Variants in DMD observed in about 807,000 individuals in gnomAD.
DMD encodes mutant dystrophin.
DMD carries 63 observed loss-of-function variants against 330.1 expected under a neutral mutation model. That is an observed-to-expected ratio of 0.19 (90% CI 0.16 to 0.24). The LOEUF (loss-of-function observed/expected upper bound fraction) is 0.24, where lower values mean the gene tolerates loss of function less well. Among genes scored for constraint, DMD ranks in the 10% least tolerant of loss-of-function variants. The probability of loss-of-function intolerance (pLI) is 1.00; values close to 1 mark genes in which losing one functional copy is unlikely to be tolerated. For missense variants in DMD, 3,344 were observed against 2,684.1 expected (o/e 1.25, Z -5.43); for synonymous variants, 1,223 against 959.8 (o/e 1.27, Z -5.07).
intron 52 of DMD, among the ~76,000 whole-genome samples, chrX:31,711,071 T>C (rs2084593127): frequency 9.4e-6 from 1 of 106,589 alleles, no homozygotes; most frequent in South Asian, 4.1e-4. Flanking sequence ...AAAATACTGT[T>C]TGATTGGCTC....
At chrX:32,256,667 T>A (rs929492188) in intron 43 of DMD, among the ~76,000 whole-genome samples, 1 of 111,611 alleles carries the variant, frequency 9.0e-6, no homozygotes, top group East Asian at 2.8e-4. Context: ...TTCCTTTCCA[T>A]GTTTAGTGAT....
At chrX:31,330,835 A>G (rs1368965081) in intron 61 of DMD, among the ~76,000 whole-genome samples, 1 of 111,603 alleles carries the variant, frequency 9.0e-6, no homozygotes, top group Non-Finnish European at 1.9e-5. Context: ...TTTTGATGTG[A>G]CGCATATAGT....
chrX:32,922,009 A>C lies in DMD; in HGVS notation c.94-72189T>G, dbSNP rs147888453. On this transcript the variant is annotated intron_variant, in intron 2 of 78. Coordinates refer to ENST00000357033, the MANE Select transcript of DMD (RefSeq NM_004006.3). ...AGTTTCTACTATCCCTAAATTTACA[A>C]TGAAGGAGAAAAGCTACCTCATGAT... 2.5e-3 allele frequency among the ~76,000 whole-genome samples: 280 copies of C among 111,078 alleles called. 2 individuals carry two copies. The East Asian group carries it at 0.05, about 20-fold the overall frequency.
intron 15 of DMD, among the ~76,000 whole-genome samples, chrX:32,569,781 A>C (rs1351226226): frequency 9.0e-6 from 1 of 110,651 alleles, no homozygotes; most frequent in African/African-American, 3.3e-5. Context: ...TATATACCAT[A>C]ATCTCTTGGA....
At chrX:32,487,823 A>G (rs2042627091) in intron 20 of DMD, among the ~76,000 whole-genome samples, 2 of 111,989 alleles carry the variant, frequency 1.8e-5, no homozygotes, top group Admixed American at 9.5e-5. Context: ...TCAAATATAA[A>G]TCCTCTCAAA....
chrX:32,078,216 T>A (rs1318847291), intron 44 of DMD, among the ~76,000 whole-genome samples: 2 of 105,830 alleles, frequency 1.9e-5, no homozygotes, highest in African/African-American at 7.3e-5. Flanking sequence ...GGTAATACCC[T>A]CATCATAATT....
intron 2 of DMD, among the ~76,000 whole-genome samples, chrX:32,940,488 T>C (rs987106980): frequency 6.3e-5 from 7 of 110,857 alleles, no homozygotes; most frequent in Non-Finnish European, 1.1e-4. Flanking sequence ...TGGAACAAAG[T>C]AGAGAACCCA....
At position 32,570,241 on chromosome X, in the gene DMD, T is replaced by C. The variant is rs145112322; in HGVS notation, c.1812+3289A>G. Among the ~76,000 whole-genome samples the C allele has an allele frequency of 3.9e-3, 435 of 111,782 alleles. 1 individual carries two copies. Among genetic ancestry groups the C allele is most frequent in the African/African-American group, 0.013 (408 of 30,823 alleles). ...GTGAAAACTGGTGACAGATGGTACC[T>C]GTTTTGGGTCTCAGATTGTGACATA... On this transcript the variant is annotated intron_variant, in intron 15 of 78. Transcript: ENST00000357033.
In DMD at chrX:32,861,911, A is replaced by G. The variant is rs192249437; in HGVS notation, c.94-12091T>C. 8.9e-5 allele frequency among the ~76,000 whole-genome samples: 10 copies of G among 111,951 alleles called. No homozygotes were observed. In the Admixed American group the frequency reaches 9.5e-4, roughly 11 times the overall value. The stretch of plus-strand genomic sequence containing the variant: ...AAGGAGATCAATGCCAGGGATGTCC[A>G]TATCAGAAAATAAATGAAGGCCTAC... On this transcript the variant is annotated intron_variant, in intron 2 of 78. Transcript: ENST00000357033.
At chrX:33,010,323 A>G (rs1304246678) in intron 2 of DMD, among the ~76,000 whole-genome samples, 1 of 105,686 alleles carries the variant, frequency 9.5e-6, no homozygotes, top group Non-Finnish European at 1.9e-5. Flanking sequence ...TATGTGTATA[A>G]ATATGTATAT....
At chrX:32,974,488 G>A (rs2092481322) in intron 2 of DMD, among the ~76,000 whole-genome samples, 1 of 111,663 alleles carries the variant, frequency 9.0e-6, no homozygotes, top group African/African-American at 3.3e-5. Flanking sequence ...AAATCCCCAG[G>A]ATATCCCATT....
intron 1 of DMD, among the ~76,000 whole-genome samples, chrX:33,077,006 G>A (rs770869733): frequency 9.0e-6 from 1 of 110,757 alleles, no homozygotes; most frequent in African/African-American, 3.3e-5. Context: ...CTGTCTTCTT[G>A]CGCTGAGTCA....
intron 9 of DMD, among the ~76,000 whole-genome samples, chrX:32,685,151 G>A (rs1205552632): frequency 9.2e-6 from 1 of 108,977 alleles, no homozygotes; most frequent in Non-Finnish European, 1.9e-5. Flanking sequence ...CAGTGCTTCC[G>A]GCATACTTGT....
At chrX:32,158,118 T>G (rs398124015) in intron 44 of DMD, among the ~76,000 whole-genome samples, 14 of 112,119 alleles carry the variant, frequency 1.2e-4, no homozygotes, top group South Asian at 3.7e-4. Context: ...TGTAAGCTGT[T>G]TGACCTTGTA....
At chrX:32,854,307 C>A (rs151161204) in intron 2 of DMD, among the ~76,000 whole-genome samples, 554 of 111,468 alleles carry the variant, frequency 5.0e-3, no homozygotes, top group South Asian at 0.015. Context: ...ACAAAACAAG[C>A]CTTAAATTCA....
At chrX:32,419,572 GAA>G (rs1464839194) in intron 29 of DMD, among the ~76,000 whole-genome samples, 1 of 112,158 alleles carries the variant, frequency 8.9e-6, no homozygotes, top group Non-Finnish European at 1.9e-5. Context: ...ATAAAATAAA[GAA>G]GGTTACATTA....
chrX:32,274,108 T>A (rs2097375799), intron 43 of DMD, among the ~76,000 whole-genome samples: 1 of 111,893 alleles, frequency 8.9e-6, no homozygotes, highest in Admixed American at 9.5e-5. Flanking sequence ...AATATTAATA[T>A]CAGCCTCCAA....
At chrX:32,972,272 G>A (rs1401997460) in intron 2 of DMD, among the ~76,000 whole-genome samples, 1 of 108,595 alleles carries the variant, frequency 9.2e-6, no homozygotes, top group African/African-American at 3.4e-5. Context: ...TGACCTCCCG[G>A]GCTCAAGAGA....
At chrX:31,297,067 T>A (rs1426717231) in intron 62 of DMD, among the ~76,000 whole-genome samples, 1 of 111,504 alleles carries the variant, frequency 9.0e-6, no homozygotes, top group African/African-American at 3.3e-5. Flanking sequence ...ATAGTAAGCA[T>A]GGTCACTGAC....
Sources: allele counts gnomAD v4.1 joint callset (sites outside exome capture counted in the v4.1 genomes callset), GRCh38; gene constraint gnomAD v4.1.1; transcripts MANE v1.5; gene names NCBI Gene and HGNC (gene_info 2026-07-23, HGNC 2026-07-21).